ATOX1: variants seen among roughly 807,000 people sequenced by gnomAD.
The protein encoded by ATOX1 is antioxidant 1 copper chaperone.
A neutral mutation model predicts 7.3 loss-of-function variants in ATOX1; 4 were observed. The ratio of observed to expected loss-of-function variants is 0.55; its 90% CI spans 0.27 to 1.25. ATOX1 has a LOEUF of 1.25. ATOX1 is among the 50% of genes most tolerant of loss of function. The pLI is 0.12. For synonymous variants in ATOX1, 25 were observed against 28.7 expected (o/e 0.87, Z 0.41); for missense variants, 68 against 81.6 (o/e 0.83, Z 0.64).
intron 1 of ATOX1, among the ~76,000 whole-genome samples, chr5:151,755,767 A>G (rs1325096951): frequency 6.6e-6 from 1 of 152,136 alleles, no homozygotes; most frequent in African/African-American, 2.4e-5. Context: ...TGGACAGAGT[A>G]ATCACTTCTT....
intron 1 of ATOX1, 26 bp downstream of exon 1, chr5:151,758,520 G>A: frequency 2.0e-6 from 3 of 1,479,166 alleles, no homozygotes; most frequent in Non-Finnish European, 2.7e-6. Context: ...GCAAGTCTGC[G>A]TGGCGGGGAC....
intron 1 of ATOX1, among the ~76,000 whole-genome samples, chr5:151,754,578 G>C (rs1761988855): frequency 6.6e-6 from 1 of 151,918 alleles, no homozygotes; most frequent in African/African-American, 2.4e-5. Context: ...TGAGATCATG[G>C]CTCCATTTAA....
chr5:151,751,297 C>T (rs1053795130), intron 2 of ATOX1, among the ~76,000 whole-genome samples: 9 of 150,512 alleles, frequency 6.0e-5, no homozygotes, highest in African/African-American at 2.0e-4. Context: ...GAAAATGACA[C>T]TCAGATGTGT....
chr5:151,749,400 G>A (rs958456160), intron 2 of ATOX1, among the ~76,000 whole-genome samples: 10 of 151,936 alleles, frequency 6.6e-5, no homozygotes, highest in Non-Finnish European at 1.3e-4. Flanking sequence ...CAGGAGAATC[G>A]CTTGAACCTG....
At chr5:151,750,240 T>A (rs1761930270) in intron 2 of ATOX1, among the ~76,000 whole-genome samples, 1 of 152,146 alleles carries the variant, frequency 6.6e-6, no homozygotes, top group South Asian at 2.1e-4. Context: ...ATGAGACTGA[T>A]TGTTCAAAAG....
chr5:151,754,980 C>CAAA (rs79359321), intron 1 of ATOX1, among the ~76,000 whole-genome samples: 12 of 48,742 alleles, frequency 2.5e-4, no homozygotes, highest in East Asian at 5.5e-4. Context: ...AGACACCGTC[C>CAAA]AAAAAAAAAA....
In ATOX1 at chr5:151,751,433, A is replaced by G. The variant is rs541267427; in HGVS notation, c.82+271T>C. ...TGCCATTTACTGACCATGTGATCCCAGATAAGTTATTTAATGTTTCTGAAC... is the reference window on the plus strand; with the variant it reads ...TGCCATTTACTGACCATGTGATCCCGGATAAGTTATTTAATGTTTCTGAAC... On this transcript the variant is annotated intron_variant, in intron 2 of 3. Transcript: ENST00000313115. Among the ~76,000 whole-genome samples, 10 of 152,168 alleles carry G rather than the reference A, an allele frequency of 6.6e-5. No individual in the cohort carries two copies. The South Asian group carries it at 1.9e-3, about 28-fold the overall frequency.
chr5:151,758,421 G>GGGGACAACAGC, intron 1 of ATOX1, 125 bp downstream of exon 1: 1 of 1,342,468 alleles, frequency 7.4e-7, no homozygotes, highest in Non-Finnish European at 9.6e-7. Context: ...GGGTAAGCTA[G>GGGGACAACAGC]GGGACAACAG....
chr5:151,746,925 GGTTTT>G (rs1348343230), intron 2 of ATOX1, among the ~76,000 whole-genome samples: 4 of 152,046 alleles, frequency 2.6e-5, no homozygotes, highest in African/African-American at 7.3e-5. Flanking sequence ...GTAGAGACAG[GGTTTT>G]GTCATGTTGC....
chr5:151,758,250 C>A (rs1000754403), intron 1 of ATOX1, among the ~76,000 whole-genome samples: 3 of 152,236 alleles, frequency 2.0e-5, no homozygotes, highest in African/African-American at 7.2e-5. Context: ...CTCCCCCATC[C>A]CCTGCCCCCT....
At position 151,751,835 on chromosome 5, in the gene ATOX1, G is replaced by A. The variant is rs1761954671; in HGVS notation, c.7-56C>T. On this transcript the variant is annotated intron_variant, in intron 1 of 3. Transcript: ENST00000313115. The stretch of plus-strand genomic sequence containing the variant: ...AGCCCTGTAGAGTGACCCCCACACA[G>A]TGCCAGCAGACAGGCCCACTCAGGG... The A allele has an allele frequency of 5.8e-6, 9 of 1,541,294 alleles. No homozygotes were observed. In the South Asian group the frequency reaches 8.3e-5, roughly 14 times the overall value.
rs548770818 is a variant in ATOX1 at position 151,750,863 on chromosome 5, C to G, written c.82+841G>C. ...ATGGCATTTTACCATGTTGCCCAGG[C>G]TGGTCTCGGGAACTCCTGAGCTCAG... On this transcript the variant is annotated intron_variant, in intron 2 of 3. Transcript: ENST00000313115. Among the ~76,000 whole-genome samples, 6 of 151,864 alleles carry G rather than the reference C, an allele frequency of 4.0e-5. No homozygotes were observed. The East Asian group carries it at 1.2e-3, about 30-fold the overall frequency.
rs1310324413 is a variant in ATOX1 at position 151,746,352 on chromosome 5, C to T, written c.180G>A (p.Lys60=). The change falls in exon 3 of 4, where the codon AAG becomes AAA. Residue 60 remains lysine, a synonymous_variant. Coordinates refer to ENST00000313115, the MANE Select transcript of ATOX1 (RefSeq NM_004045.4). ...ACTCAAGGCCAAGGTAGGAAACAGTCTTTCCTGTTTTCTTCAGGGTTGCAA... is the reference window on the plus strand; with the variant it reads ...ACTCAAGGCCAAGGTAGGAAACAGTTTTTCCTGTTTTCTTCAGGGTTGCAA... ...TLLATLKKTG[K]TVSYLGLE is the part of the protein sequence containing the mutation. The T allele has an allele frequency of 6.2e-7, 1 of 1,613,854 alleles. No individual in the cohort carries two copies. The highest frequency in any genetic ancestry group is 8.5e-7 in the Non-Finnish European group (1 of 1,179,818).
intron 1 of ATOX1, chr5:151,752,380 C>T: frequency 1.4e-6 from 1 of 697,902 alleles, no homozygotes; most frequent in Non-Finnish European, 2.6e-6. Context: ...CCTGGGTTCC[C>T]CAGTGGGTTG....
chr5:151,747,404 G>C (rs990536751), intron 2 of ATOX1, among the ~76,000 whole-genome samples: 1 of 149,940 alleles, frequency 6.7e-6, no homozygotes, highest in Non-Finnish European at 1.5e-5. Context: ...TCCCTTCTCA[G>C]CCTCCCAAGT....
Position 151,742,927 on chromosome 5 carries a change from G to T in ATOX1, c.*79C>A, listed in dbSNP as rs937100464. On this transcript the variant is annotated 3_prime_UTR_variant, in exon 4 of 4. Transcript: ENST00000313115. Reference sequence around the variant, plus strand: ...ACCCGGCATGACTGCCAAGTCCCAGGTCTGTCTGGAAGCCAGCGGGAGGAT... The same window carrying T: ...ACCCGGCATGACTGCCAAGTCCCAGTTCTGTCTGGAAGCCAGCGGGAGGAT... 1 of 152,410 alleles carries T rather than the reference G, an allele frequency of 6.6e-6. No homozygotes were observed. The highest frequency in any genetic ancestry group is 2.4e-5 in the African/African-American group (1 of 41,470). 9.4% of individuals were successfully genotyped at this position (152,410 alleles called of 1,614,324 possible).
chr5:151,752,258 A>T, intron 1 of ATOX1: 1 of 702,576 alleles, frequency 1.4e-6, no homozygotes, highest in Non-Finnish European at 2.6e-6. Context: ...TCTGGTCAGC[A>T]GGTCTGGGCT....
At chr5:151,752,436 C>A in intron 1 of ATOX1, 1 of 694,636 alleles carries the variant, frequency 1.4e-6, no homozygotes, top group Non-Finnish European at 2.6e-6. Flanking sequence ...TTCATGTAAG[C>A]TCTACATTCT....
chr5:151,746,261 T>C lies in ATOX1; in HGVS notation c.*46+18A>G. 6.3e-7 allele frequency: 1 copy of C among 1,598,292 alleles called. No homozygotes were observed. Among genetic ancestry groups the C allele is most frequent in the Non-Finnish European group, 8.5e-7 (1 of 1,173,630 alleles). ...GTGAGCTGTAGGTTTGTTCAGCAAG[T>C]GCTGGGGCCTTACCCACCTGCCCCC... is the stretch of plus-strand genomic sequence containing the variant. On this transcript the variant is annotated intron_variant, in intron 3 of 3. Transcript: ENST00000313115.
Sources: gnomAD v4.1 joint callset for allele counts (sites outside exome capture counted in the v4.1 genomes callset) on GRCh38, gnomAD v4.1.1 for gene constraint, MANE v1.5 for transcripts, NCBI Gene and HGNC (gene_info 2026-07-23, HGNC 2026-07-21) for gene names.